TMEM266: variants seen among roughly 807,000 people sequenced by gnomAD.
TMEM266 encodes the protein Hv1 related protein 1.
Under a neutral mutation model 50.5 loss-of-function variants are expected in TMEM266, and 33 were observed. The observed-to-expected ratio is 0.65, with a 90% CI of 0.50 to 0.87. The LOEUF is 0.87. Among genes scored for constraint, TMEM266 ranks in the 40% least tolerant of loss-of-function variants. The pLI is 0.00. For synonymous variants in TMEM266, 310 were observed against 292.3 expected, an observed-to-expected ratio of 1.06 and a Z score of -0.62; for missense variants, 655 against 695.1, an observed-to-expected ratio of 0.94 and a Z score of 0.65.
At chr15:76,121,696 C>G (rs2037348973) in intron 1 of TMEM266, among the ~76,000 whole-genome samples, 1 of 152,210 alleles carries the variant, frequency 6.6e-6, no homozygotes, top group Non-Finnish European at 1.5e-5. Flanking sequence ...GGATTACAGG[C>G]ATGAGCCACC....
intron 8 of TMEM266, among the ~76,000 whole-genome samples, chr15:76,186,881 C>G (rs530762031): frequency 1.3e-5 from 2 of 152,322 alleles, no homozygotes; most frequent in East Asian, 1.9e-4. Flanking sequence ...GCTCCAGGCT[C>G]TGCCTGGTGG....
chr15:76,148,106 G>A (rs2037783234), intron 3 of TMEM266, among the ~76,000 whole-genome samples: 1 of 152,264 alleles, frequency 6.6e-6, no homozygotes, highest in Non-Finnish European at 1.5e-5. Context: ...TGGCGGCGGA[G>A]CGCCTCCGAC....
At chr15:76,150,713 G>A (rs967732896) in intron 3 of TMEM266, among the ~76,000 whole-genome samples, 3 of 152,178 alleles carry the variant, frequency 2.0e-5, no homozygotes, top group African/African-American at 4.8e-5. Flanking sequence ...GGCGCCACAC[G>A]GCTCTACTTC....
In TMEM266 at chr15:76,139,364, A is replaced by C. The variant is rs77345971; in HGVS notation, c.227+1469A>C. Among the ~76,000 whole-genome samples the C allele has an allele frequency of 0.094, 14,337 of 152,302 alleles. 1,019 individuals are homozygous for C. The highest frequency in any genetic ancestry group is 0.21 in the Admixed American group (3,260 of 15,298). ...GACACTGGACAAAAAAGGATAGGCA[A>C]GCAGGTCGGAGGCAGCTAAGGGACA... On this transcript the variant is annotated intron_variant, in intron 3 of 10. Coordinates refer to ENST00000388942, the MANE Select transcript of TMEM266 (RefSeq NM_152335.3). This position sits in a 1 kb window ranked among gnomAD's most constrained non-coding sequence, Gnocchi z 4.1.
chr15:76,098,942 G>A (rs1489162691), intron 1 of TMEM266, among the ~76,000 whole-genome samples: 1 of 152,090 alleles, frequency 6.6e-6, no homozygotes, highest in Non-Finnish European at 1.5e-5. Flanking sequence ...AAGCTAGAGT[G>A]TCCCGGGTCC....
At chr15:76,185,013 C>T (rs949733683) in intron 8 of TMEM266, among the ~76,000 whole-genome samples, 1 of 152,110 alleles carries the variant, frequency 6.6e-6, no homozygotes, top group Admixed American at 6.5e-5. Context: ...TCCTAAGGCA[C>T]AGGCCCGTGT....
chr15:76,062,355 A>G (rs1320568438), intron 1 of TMEM266, among the ~76,000 whole-genome samples: 1 of 152,258 alleles, frequency 6.6e-6, no homozygotes, highest in Non-Finnish European at 1.5e-5. Flanking sequence ...TTTTAGAGCA[A>G]CATGATGTTA....
intron 8 of TMEM266, among the ~76,000 whole-genome samples, chr15:76,189,614 C>G (rs1248078673): frequency 6.6e-6 from 1 of 152,086 alleles, no homozygotes; most frequent in Non-Finnish European, 1.5e-5. Flanking sequence ...TAGTGTGAAG[C>G]TGACACTGGG....
intron 4 of TMEM266, among the ~76,000 whole-genome samples, chr15:76,158,816 G>A (rs1473785721): frequency 6.6e-6 from 1 of 152,180 alleles, no homozygotes; most frequent in Admixed American, 6.5e-5. Context: ...ATCTTCTAAG[G>A]GTCGTCTTGG....
intron 9 of TMEM266, among the ~76,000 whole-genome samples, chr15:76,200,505 C>T (rs1035714344): frequency 6.6e-6 from 1 of 152,232 alleles, no homozygotes; most frequent in Non-Finnish European, 1.5e-5. Flanking sequence ...ACCCTGGCCT[C>T]CTCCTGCAAG....
At chr15:76,169,619 C>T (rs754438442) in intron 5 of TMEM266, among the ~76,000 whole-genome samples, 197 bp from the exon 6 acceptor site, 3 of 152,126 alleles carry the variant, frequency 2.0e-5, no homozygotes, top group Non-Finnish European at 4.4e-5. Flanking sequence ...GCAGGAGGCA[C>T]GGCCACCACG....
At chr15:76,183,863 C>A (rs1043565658) in intron 8 of TMEM266, among the ~76,000 whole-genome samples, 2 of 152,200 alleles carry the variant, frequency 1.3e-5, no homozygotes, top group Admixed American at 6.5e-5. Flanking sequence ...GTCACGCCCC[C>A]CCTCCATCCC....
intron 3 of TMEM266, among the ~76,000 whole-genome samples, chr15:76,143,866 T>C (rs1224318870): frequency 2.0e-5 from 3 of 152,206 alleles, no homozygotes; most frequent in Non-Finnish European, 4.4e-5. Flanking sequence ...AAGTCGTGTC[T>C]CTAGCCTAGG....
chr15:76,082,501 G>T (rs535272619), intron 1 of TMEM266, among the ~76,000 whole-genome samples: 1 of 152,308 alleles, frequency 6.6e-6, no homozygotes, highest in South Asian at 2.1e-4. Context: ...GTCAGGCCCC[G>T]TATGTTATTG....
intron 1 of TMEM266, among the ~76,000 whole-genome samples, chr15:76,073,748 C>G (rs1184488767): frequency 6.6e-6 from 1 of 152,180 alleles, no homozygotes; most frequent in East Asian, 1.9e-4. Flanking sequence ...TCAAAAGACA[C>G]CACACTATCA....
intron 1 of TMEM266, among the ~76,000 whole-genome samples, chr15:76,089,056 T>C (rs1306338017): frequency 5.2e-5 from 6 of 116,244 alleles, no homozygotes; most frequent in Non-Finnish European, 9.8e-5. Context: ...ATCGTGCCAC[T>C]GCACTCCAGC....
chr15:76,177,893 A>G (rs2038317778), intron 8 of TMEM266, among the ~76,000 whole-genome samples: 1 of 152,230 alleles, frequency 6.6e-6, no homozygotes, highest in African/African-American at 2.4e-5. Context: ...AATCTGGTGC[A>G]ATGCCTGTAT....
chr15:76,147,031 T>C (rs2037767514), intron 3 of TMEM266, among the ~76,000 whole-genome samples: 2 of 152,194 alleles, frequency 1.3e-5, no homozygotes, highest in African/African-American at 4.8e-5. Flanking sequence ...TGGGTGGGGC[T>C]GCATGCAAAT....
chr15:76,071,436 G>A (rs1005407358), intron 1 of TMEM266, among the ~76,000 whole-genome samples: 11 of 152,180 alleles, frequency 7.2e-5, no homozygotes, highest in Admixed American at 5.2e-4. Flanking sequence ...TGGGCAGTGT[G>A]AGGGAAAGTA....
Sources: gnomAD v4.1 joint callset for allele counts (sites outside exome capture counted in the v4.1 genomes callset) on GRCh38, gnomAD v4.1.1 for gene constraint, Gnocchi (gnomAD v3.1) non-coding constraint, MANE v1.5 for transcripts, NCBI Gene and HGNC (gene_info 2026-07-23, HGNC 2026-07-21) for gene names.